ADGB: variants seen among roughly 807,000 people sequenced by gnomAD.
ADGB encodes calpain-7-like protein.
ADGB carries 172 observed loss-of-function variants against 210.5 expected under a neutral mutation model. The ratio of observed to expected loss-of-function variants is 0.82; its 90% CI spans 0.72 to 0.93. ADGB has a LOEUF of 0.93. Among genes scored for constraint, ADGB ranks in the 40% least tolerant of loss-of-function variants. The pLI is 0.00. For missense variants in ADGB, 2,025 were observed against 1,964.8 expected, an observed-to-expected ratio of 1.03 and a Z score of -0.58; for synonymous variants, 658 against 662.7, an observed-to-expected ratio of 0.99 and a Z score of 0.11.
intron 26 of ADGB, 60 bp downstream of exon 26, chr6:146,746,169 A>G (rs1202908568): frequency 1.6e-6 from 2 of 1,236,788 alleles, no homozygotes; most frequent in African/African-American, 3.0e-5. Context: ...ATTTTAGGAT[A>G]AAAATAAATT....
At chr6:146,738,045 C>T (rs909443603) in intron 23 of ADGB, among the ~76,000 whole-genome samples, 31 of 152,186 alleles carry the variant, frequency 2.0e-4, no homozygotes, top group African/African-American at 6.5e-4. Context: ...GTTAAGAACA[C>T]GTAATTTGAC....
intron 13 of ADGB, among the ~76,000 whole-genome samples, chr6:146,706,298 T>A (rs1438341514): frequency 6.6e-6 from 1 of 151,366 alleles, no homozygotes; most frequent in African/African-American, 2.4e-5. Flanking sequence ...TCTTGCTCTG[T>A]GGCCAGGCTG....
chr6:146,807,009 C>CAG (rs1460761290), intron 35 of ADGB, among the ~76,000 whole-genome samples: 2 of 152,060 alleles, frequency 1.3e-5, no homozygotes, highest in Non-Finnish European at 2.9e-5. Flanking sequence ...AAGTATAGCT[C>CAG]ATATATTTTG....
At chr6:146,736,652 G>T in intron 23 of ADGB, 61 bp downstream of exon 23, 15 of 1,151,688 alleles carry the variant, frequency 1.3e-5, no homozygotes, top group East Asian at 2.6e-5. Context: ...AGTCCAGTTT[G>T]AATACTACCA....
At chr6:146,692,519 C>G (rs1314858899) in intron 11 of ADGB, among the ~76,000 whole-genome samples, 2 of 152,066 alleles carry the variant, frequency 1.3e-5, no homozygotes. Flanking sequence ...GAAACTCATT[C>G]CTGTACTTGA....
chr6:146,763,880 C>A, intron 27 of ADGB, 21 bp from the exon 28 acceptor site: 1 of 1,537,282 alleles, frequency 6.5e-7, no homozygotes. Flanking sequence ...TTAACTTTAA[C>A]TTAGTATTTC....
chr6:146,730,062 G>A (rs929783031), intron 20 of ADGB, among the ~76,000 whole-genome samples: 1 of 152,126 alleles, frequency 6.6e-6, no homozygotes, highest in Non-Finnish European at 1.5e-5. Flanking sequence ...ATTCTATTTT[G>A]CGTGTAAACA....
At chr6:146,655,343 C>T (rs531040472) in intron 4 of ADGB, among the ~76,000 whole-genome samples, 1 of 152,178 alleles carries the variant, frequency 6.6e-6, no homozygotes, top group East Asian at 1.9e-4. Flanking sequence ...ACTTGGATTA[C>T]AATACCTCTT....
chr6:146,812,824 T>C (rs1778321592), intron 35 of ADGB, among the ~76,000 whole-genome samples: 2 of 152,180 alleles, frequency 1.3e-5, no homozygotes, highest in Non-Finnish European at 2.9e-5. Flanking sequence ...AGAACTTAAC[T>C]GGGAACAACT....
At chr6:146,689,982 A>G (rs1440998887) in intron 10 of ADGB, among the ~76,000 whole-genome samples, 1 of 152,158 alleles carries the variant, frequency 6.6e-6, no homozygotes, top group African/African-American at 2.4e-5. Context: ...TCCATTTCTT[A>G]ATTCGGTGAC....
chr6:146,789,624 C>G (rs1777926776), intron 33 of ADGB, among the ~76,000 whole-genome samples: 1 of 152,090 alleles, frequency 6.6e-6, no homozygotes, highest in Non-Finnish European at 1.5e-5. Context: ...TATTTTTTAA[C>G]CAATATTTTG....
intron 27 of ADGB, among the ~76,000 whole-genome samples, chr6:146,756,089 A>G (rs1284679875): frequency 6.6e-6 from 1 of 152,010 alleles, no homozygotes; most frequent in Non-Finnish European, 1.5e-5. Context: ...AAGCTGAGCA[A>G]CAGATCACTG....
rs113592421 is a variant in ADGB, at chr6:146,639,525, A to T, written c.237+3988A>T. ...ACACAGTATTGGAAGTCAGCCAGAG[A>T]AATCAGGTAAGAAAAAGGAATAAAG... is the stretch of plus-strand genomic sequence containing the variant. On this transcript the variant is annotated intron_variant, in intron 2 of 35. Transcript: ENST00000397944. Among the ~76,000 whole-genome samples, 961 of 152,056 alleles carry T rather than the reference A, an allele frequency of 6.3e-3. 6 individuals carry two copies. The highest frequency in any genetic ancestry group is 0.022 in the African/African-American group (906 of 41,514).
intron 3 of ADGB, among the ~76,000 whole-genome samples, chr6:146,650,481 G>C (rs1213039136): frequency 2.0e-5 from 3 of 150,916 alleles, no homozygotes; most frequent in Non-Finnish European, 4.4e-5. Flanking sequence ...ACACAAACAA[G>C]CCACAATATG....
intron 2 of ADGB, among the ~76,000 whole-genome samples, chr6:146,636,637 T>A (rs1562261117): frequency 1.3e-5 from 2 of 151,290 alleles, no homozygotes; most frequent in South Asian, 4.2e-4. Flanking sequence ...TGGGTGTGGG[T>A]GTGTGTGGGT....
chr6:146,704,009 G>A (rs1324726549), intron 13 of ADGB, among the ~76,000 whole-genome samples: 2 of 151,812 alleles, frequency 1.3e-5, no homozygotes, highest in African/African-American at 4.8e-5. Flanking sequence ...ATTTTAACAG[G>A]TGTGAAGTGA....
chr6:146,672,537 A>C, intron 8 of ADGB, 70 bp downstream of exon 8: 1 of 1,448,250 alleles, frequency 6.9e-7, no homozygotes, highest in Non-Finnish European at 9.1e-7. Context: ...ATTTTATTTG[A>C]TGTGTTGCTG....
At chr6:146,734,224 T>C (rs1373693412) in intron 22 of ADGB, among the ~76,000 whole-genome samples, 194 bp downstream of exon 22, 2 of 152,224 alleles carry the variant, frequency 1.3e-5, no homozygotes, top group East Asian at 3.8e-4. Flanking sequence ...GCACAGTGCC[T>C]GGTGCATCAT....
intron 29 of ADGB, among the ~76,000 whole-genome samples, chr6:146,773,637 C>A (rs553550866): frequency 6.6e-6 from 1 of 152,246 alleles, no homozygotes; most frequent in African/African-American, 2.4e-5. Flanking sequence ...AAGAAATGAG[C>A]CTTAGATGCT....
Sources: gnomAD v4.1 joint callset for allele counts (sites outside exome capture counted in the v4.1 genomes callset) on GRCh38, gnomAD v4.1.1 for gene constraint, MANE v1.5 for transcripts, NCBI Gene and HGNC (gene_info 2026-07-23, HGNC 2026-07-21) for gene names.